Variants in P2RX3 observed in about 807,000 individuals in gnomAD.
P2RX3 encodes P2X purinoceptor 3.
Under a neutral mutation model 51.5 loss-of-function variants are expected in P2RX3, and 41 were observed. That is an observed-to-expected ratio of 0.80 (90% CI 0.62 to 1.03). The LOEUF is 1.03. Among genes scored for constraint, P2RX3 ranks in the 50% least tolerant of loss-of-function variants. The pLI, the probability that P2RX3 is intolerant of heterozygous loss-of-function variation, is 0.00. For missense variants in P2RX3, 459 were observed against 522.1 expected, an observed-to-expected ratio of 0.88 and a Z score of 1.18; for synonymous variants, 185 against 191.6, an observed-to-expected ratio of 0.97 and a Z score of 0.29.
intron 1 of P2RX3, chr11:57,340,850 G>A (rs973185914): frequency 7.9e-5 from 12 of 152,324 alleles, no homozygotes; most frequent in African/African-American, 2.9e-4. Flanking sequence ...GGTGAAAGAG[G>A]GAAGGAAGAG....
chr11:57,338,353 G>A lies in P2RX3; in HGVS notation c.-198G>A. 1 of 457,024 alleles carries A rather than the reference G, an allele frequency of 2.2e-6. No homozygotes were observed. The highest frequency in any genetic ancestry group is 4.0e-6 in the Non-Finnish European group (1 of 250,156). 28.3% of individuals were successfully genotyped at this position (457,024 alleles called of 1,614,324 possible). A position where few individuals can be genotyped will look rare whatever the true frequency, so the allele number is the denominator to read the frequency against. ...AAGGGGGTCCCCCGCCCTGGTCCTG[G>A]CCTCTTGGAAGCCAGAGTATCAAGA... On this transcript the variant is annotated 5_prime_UTR_variant, in exon 1 of 12. Transcript: ENST00000263314.
chr11:57,368,412 TGGC>T lies in P2RX3; in HGVS notation c.981_983del (p.Ala328del). ...ATCATCCCCACCATCATCAGCTCTGTGGCGGCCTTTACTTCTGTGGGAGTGGTG... is the reference window on the plus strand; with the variant it reads ...ATCATCCCCACCATCATCAGCTCTGTGGCCTTTACTTCTGTGGGAGTGGTG... On this transcript the variant is annotated inframe_deletion, in exon 10 of 12. Transcript: ENST00000263314. 6.2e-7 allele frequency: 1 copy of T among 1,614,186 alleles called. No individual in the cohort carries two copies. Among genetic ancestry groups the T allele is most frequent in the Non-Finnish European group, 8.5e-7 (1 of 1,180,034 alleles).
At chr11:57,368,829 C>G (rs2134452288) in intron 10 of P2RX3, among the ~76,000 whole-genome samples, 1 of 152,288 alleles carries the variant, frequency 6.6e-6, no homozygotes, top group East Asian at 1.9e-4. Flanking sequence ...CCTTCCACCC[C>G]ACGCAGTCCT....
At chr11:57,337,153 G>C (rs963674342), upstream of P2RX3, among the ~76,000 whole-genome samples, 2 of 151,786 alleles carry the variant, frequency 1.3e-5, no homozygotes, top group Non-Finnish European at 2.9e-5. Flanking sequence ...TTAGCCAGGC[G>C]TGGTGGCGGG....
In P2RX3 at chr11:57,347,132, T is replaced by C. The variant is rs1856451245; in HGVS notation, c.272T>C (p.Val91Ala). 6.2e-7 allele frequency: 1 copy of C among 1,613,744 alleles called. No individual in the cohort carries two copies. The highest frequency in any genetic ancestry group is 8.5e-7 in the Non-Finnish European group (1 of 1,179,832). The change falls in exon 3 of 12, where the codon GTC becomes GCC. Residue 91 changes from valine (V) to alanine (A), a missense_variant. Val to Ala is a moderately conservative substitution (Grantham distance 64). Transcript: ENST00000263314. ...VTPPQGTSVF[V>A]IITKMIVTEN... ...CCTCCCAAGGGCACCTCGGTCTTTG[T>C]CATCATCACCAAGATGATTGTTACT...
chr11:57,362,078 G>A (rs1237891149), intron 8 of P2RX3, among the ~76,000 whole-genome samples: 1 of 152,228 alleles, frequency 6.6e-6, no homozygotes, highest in Non-Finnish European at 1.5e-5. Flanking sequence ...CCAAATGTTT[G>A]TTGAATGCTG....
At chr11:57,337,422 A>G (rs545207446), upstream of P2RX3, among the ~76,000 whole-genome samples, 91 of 152,018 alleles carry the variant, frequency 6.0e-4, 2 homozygotes, top group South Asian at 0.018. Context: ...AAATGACTTT[A>G]ATAAATAAAG....
intron 11 of P2RX3, 87 bp from the exon 12 acceptor site, chr11:57,369,797 G>A (rs757402676): frequency 1.8e-5 from 17 of 921,010 alleles, no homozygotes; most frequent in African/African-American, 6.5e-5. Context: ...GGTCATGGGC[G>A]CCCACTGCTG....
intron 1 of P2RX3, among the ~76,000 whole-genome samples, chr11:57,340,261 G>A (rs1443151006): frequency 2.0e-5 from 3 of 152,134 alleles, no homozygotes; most frequent in African/African-American, 7.2e-5. Context: ...GGGAGAGAGT[G>A]GGCTCCTAGA....
upstream of P2RX3, chr11:57,338,320 C>T (rs760227311): frequency 6.1e-5 from 22 of 362,156 alleles, no homozygotes; most frequent in African/African-American, 1.0e-4. Flanking sequence ...GGAGTGGAGA[C>T]GAACAAAAAG....
chr11:57,337,346 G>GAAAAAAAAAAAAAAAAAAAAAAAAA (rs1565058239), upstream of P2RX3, among the ~76,000 whole-genome samples: 1 of 24,176 alleles, frequency 4.1e-5, no homozygotes, highest in Non-Finnish European at 8.4e-5. Flanking sequence ...GGGAAGGAAA[G>GAAAAAAAAAAAAAAAAAAAAAAAAA]AAAGAAAAAA....
At chr11:57,338,333 G>A, upstream of P2RX3, 2 of 393,722 alleles carry the variant, frequency 5.1e-6, no homozygotes, top group South Asian at 6.3e-5. Context: ...ACAAAAAGGG[G>A]GTCCCCCGCC....
At chr11:57,351,049 A>C (rs1590629833) in intron 8 of P2RX3, 151 bp downstream of exon 8, 4 of 1,137,500 alleles carry the variant, frequency 3.5e-6, no homozygotes, top group Non-Finnish European at 1.2e-6. Context: ...GGACTCTCTA[A>C]CAGCCATTAG....
Position 57,370,190 on chromosome 11 carries a change from C to G in P2RX3, c.*193C>G. 1 of 565,140 alleles carries G rather than the reference C, an allele frequency of 1.8e-6. No individual in the cohort carries two copies. The highest frequency in any genetic ancestry group is 3.0e-5 in the East Asian group (1 of 33,496). 35.0% of individuals were successfully genotyped at this position (565,140 alleles called of 1,614,324 possible). On this transcript the variant is annotated 3_prime_UTR_variant, in exon 12 of 12. Coordinates refer to ENST00000263314, the MANE Select transcript of P2RX3 (RefSeq NM_002559.5). ...CAGTGCTCCCTGCTGAGACCCCAAT[C>G]TCACCTTCACTCCTTGCCTGGCCCC... is the stretch of plus-strand genomic sequence containing the variant.
intron 3 of P2RX3, 81 bp from the exon 4 acceptor site, chr11:57,347,333 GT>G: frequency 6.6e-7 from 1 of 1,510,750 alleles, no homozygotes; most frequent in Non-Finnish European, 9.0e-7. Flanking sequence ...GAGGCTGTTG[GT>G]TATGGGGAGG....
chr11:57,354,115 C>G (rs547501963), intron 8 of P2RX3, among the ~76,000 whole-genome samples: 3 of 152,240 alleles, frequency 2.0e-5, no homozygotes, highest in Admixed American at 2.0e-4. Flanking sequence ...TATCTGATCT[C>G]CGTGGCAAGC....
At chr11:57,358,893 ACACACGCACT>A (rs1303442780) in intron 8 of P2RX3, among the ~76,000 whole-genome samples, 6 of 152,160 alleles carry the variant, frequency 3.9e-5, no homozygotes, top group Non-Finnish European at 7.3e-5. Context: ...ACACTCACAC[ACACACGCACT>A]CACACGCACA....
At chr11:57,344,477 T>G (rs1856396879) in intron 1 of P2RX3, among the ~76,000 whole-genome samples, 1 of 152,164 alleles carries the variant, frequency 6.6e-6, no homozygotes, top group East Asian at 1.9e-4. Context: ...GGCAGGCAGA[T>G]CACTTGAGGC....
At chr11:57,337,811 C>A (rs1856263426), upstream of P2RX3, among the ~76,000 whole-genome samples, 1 of 152,120 alleles carries the variant, frequency 6.6e-6, no homozygotes, top group South Asian at 2.1e-4. Context: ...TGCAGGTTTA[C>A]CATAGAACTT....
Sources: allele counts gnomAD v4.1 joint callset (sites outside exome capture counted in the v4.1 genomes callset), GRCh38; gene constraint gnomAD v4.1.1; transcripts MANE v1.5; gene names NCBI Gene and HGNC (gene_info 2026-07-23, HGNC 2026-07-21).